Variants in MRPL37 observed in about 807,000 individuals in gnomAD.
The protein encoded by MRPL37 is mitochondrial ribosomal protein L37.
MRPL37 carries 34 observed loss-of-function variants against 44.1 expected under a neutral mutation model. The observed-to-expected ratio is 0.77, with a 90% CI of 0.59 to 1.03. MRPL37 has a LOEUF of 1.03. Among genes scored for constraint, MRPL37 ranks in the 50% least tolerant of loss-of-function variants. MRPL37 has a pLI of 0.00. For missense variants in MRPL37, 532 were observed against 543.7 expected, an observed-to-expected ratio of 0.98 and a Z score of 0.21; for synonymous variants, 212 against 219.5, an observed-to-expected ratio of 0.97 and a Z score of 0.30.
chr1:54,218,469 A>C, downstream of MRPL37: 1 of 1,166,258 alleles, frequency 8.6e-7, no homozygotes, highest in Non-Finnish European at 1.2e-6. Context: ...GCTGAAGCCC[A>C]GCTCTGCCCT....
chr1:54,225,247 G>A (rs1412126177), downstream of MRPL37: 5 of 1,234,212 alleles, frequency 4.1e-6, no homozygotes, highest in East Asian at 3.2e-5. Flanking sequence ...CCCACCTTCC[G>A]CCAAGGCCAT....
At chr1:54,205,463 C>A in intron 3 of MRPL37, 53 bp downstream of exon 3, 1 of 1,430,992 alleles carries the variant, frequency 7.0e-7, no homozygotes, top group Non-Finnish European at 9.8e-7. Context: ...TGCCTTTCTA[C>A]TCTTAACCCC....
At chr1:54,221,388 C>CTCTT (rs1384044355), downstream of MRPL37, among the ~76,000 whole-genome samples, 76 of 152,316 alleles carry the variant, frequency 5.0e-4, no homozygotes, top group Non-Finnish European at 4.4e-5. Flanking sequence ...TCTTGACTCT[C>CTCTT]TCTTTAACAT....
At chr1:54,210,590 A>C (rs1644156888) in intron 4 of MRPL37, among the ~76,000 whole-genome samples, 1 of 151,962 alleles carries the variant, frequency 6.6e-6, no homozygotes, top group Non-Finnish European at 1.5e-5. Flanking sequence ...ATTAATCCAA[A>C]CTCCATCAAG....
chr1:54,204,180 C>T (rs1197320440), intron 1 of MRPL37, among the ~76,000 whole-genome samples: 3 of 152,086 alleles, frequency 2.0e-5, no homozygotes, highest in East Asian at 1.9e-4. Context: ...GTCAGGAGTT[C>T]GAGACCAGCG....
downstream of MRPL37, among the ~76,000 whole-genome samples, chr1:54,224,424 A>G (rs928791013): frequency 1.3e-5 from 2 of 152,140 alleles, no homozygotes; most frequent in African/African-American, 2.4e-5. Context: ...CACTGTTCTA[A>G]GCACTTCACG....
chr1:54,203,427 A>G (rs1462718512), intron 1 of MRPL37, among the ~76,000 whole-genome samples: 1 of 151,916 alleles, frequency 6.6e-6, no homozygotes, highest in Non-Finnish European at 1.5e-5. Flanking sequence ...AAAACAGATA[A>G]TACAACAAAA....
downstream of MRPL37, chr1:54,221,040 C>T (rs72908085): frequency 3.7e-4 from 131 of 354,542 alleles, 1 homozygote; most frequent in African/African-American, 2.7e-3. Context: ...AGATCCTCCA[C>T]TTCCTCGCTG....
At chr1:54,205,482 C>T in intron 3 of MRPL37, 72 bp downstream of exon 3, 1 of 1,258,940 alleles carries the variant, frequency 7.9e-7, no homozygotes, top group South Asian at 1.3e-5. Context: ...CCACCACCAG[C>T]TCCCATCCCC....
At chr1:54,212,164 A>G (rs34735637) in intron 4 of MRPL37, among the ~76,000 whole-genome samples, 187 of 152,342 alleles carry the variant, frequency 1.2e-3, no homozygotes, top group African/African-American at 4.4e-3. Context: ...CAGCACCTAT[A>G]ACAGGTTGGC....
At chr1:54,205,445 G>GT (rs763093796) in intron 3 of MRPL37, 35 bp downstream of exon 3, 75 of 1,563,106 alleles carry the variant, frequency 4.8e-5, no homozygotes, top group South Asian at 1.4e-4. Flanking sequence ...GCCTTGGTCT[G>GT]TTTTTTTTGC....
At chr1:54,201,277 G>A (rs1644080486) in intron 1 of MRPL37, among the ~76,000 whole-genome samples, 1 of 151,780 alleles carries the variant, frequency 6.6e-6, no homozygotes, top group Non-Finnish European at 1.5e-5. Flanking sequence ...GATTAGGGGG[G>A]AAAAAAAAGG....
intron 5 of MRPL37, 146 bp from the exon 6 acceptor site, chr1:54,215,995 C>A: frequency 1.2e-6 from 1 of 861,168 alleles, no homozygotes; most frequent in East Asian, 2.5e-5. Flanking sequence ...CTGAACTCCT[C>A]ATTCTATTTT....
chr1:54,214,540 T>C (rs1380767966), intron 5 of MRPL37, among the ~76,000 whole-genome samples: 4 of 152,180 alleles, frequency 2.6e-5, no homozygotes, highest in African/African-American at 9.7e-5. Flanking sequence ...CTCTCCAGTT[T>C]TGAAGGATGT....
intron 1 of MRPL37, among the ~76,000 whole-genome samples, chr1:54,203,813 C>A (rs535640847): frequency 6.6e-6 from 1 of 152,114 alleles, no homozygotes; most frequent in African/African-American, 2.4e-5. Flanking sequence ...CCAAACCTGG[C>A]CCTGAGCTTG....
downstream of MRPL37, among the ~76,000 whole-genome samples, chr1:54,219,013 C>A (rs566356614): frequency 1.3e-5 from 2 of 152,354 alleles, no homozygotes; most frequent in South Asian, 4.1e-4. Context: ...CGAGGAAACA[C>A]TTAGAGACTT....
chr1:54,215,347 GA>G (rs1196292555), intron 5 of MRPL37, among the ~76,000 whole-genome samples: 1 of 152,216 alleles, frequency 6.6e-6, no homozygotes, highest in Admixed American at 6.5e-5. Flanking sequence ...TATGAGAGTA[GA>G]GGTGACCTGA....
At chr1:54,219,022 T>A (rs528721805), downstream of MRPL37, among the ~76,000 whole-genome samples, 2 of 152,330 alleles carry the variant, frequency 1.3e-5, no homozygotes, top group African/African-American at 4.8e-5. Context: ...ACTTAGAGAC[T>A]TTTATTTGGG....
downstream of MRPL37, among the ~76,000 whole-genome samples, chr1:54,222,867 C>A (rs1644245393): frequency 6.6e-6 from 1 of 152,224 alleles, no homozygotes. Context: ...CAAACGGCAT[C>A]TCTGTCCTTC....
Sources: allele counts gnomAD v4.1 joint callset (sites outside exome capture counted in the v4.1 genomes callset), GRCh38; gene constraint gnomAD v4.1.1; transcripts MANE v1.5; gene names NCBI Gene and HGNC (gene_info 2026-07-23, HGNC 2026-07-21).